Variants in UBTD1 observed in about 807,000 individuals in gnomAD.
UBTD1 encodes the protein ubiquitin domain-containing protein 1.
UBTD1 carries 19 observed loss-of-function variants against 21.7 expected under a neutral mutation model. The ratio of observed to expected loss-of-function variants is 0.87; its 90% CI spans 0.61 to 1.28. The LOEUF (loss-of-function observed/expected upper bound fraction) is 1.28. Among genes scored for constraint, UBTD1 ranks in the 50% most tolerant of loss-of-function variants. The pLI is 0.00. For missense variants in UBTD1, 282 were observed against 315.1 expected, an observed-to-expected ratio of 0.89 and a Z score of 0.80; for synonymous variants, 116 against 135.1, an observed-to-expected ratio of 0.86 and a Z score of 0.98.
At chr10:97,555,158 C>G (rs1329582689) in intron 1 of UBTD1, among the ~76,000 whole-genome samples, 1 of 152,184 alleles carries the variant, frequency 6.6e-6, no homozygotes, top group Admixed American at 6.5e-5. Flanking sequence ...CCAAGGATCC[C>G]TGAGGGAGTC....
intron 1 of UBTD1, among the ~76,000 whole-genome samples, chr10:97,548,845 T>A (rs1486061283): frequency 1.3e-5 from 2 of 152,298 alleles, no homozygotes; most frequent in East Asian, 3.9e-4. Flanking sequence ...GTAATTGATA[T>A]CAGATAGGCC....
rs769678452 is a variant in UBTD1, at chr10:97,513,116, T to C, written c.70+13843T>C. The stretch of plus-strand genomic sequence containing the variant: ...CTGGTTCAGAGGGGTCAAGCCACTG[T>C]CTGTGGTCTGCTCTGCACAGGGGTG... On this transcript the variant is annotated intron_variant, in intron 1 of 2. Transcript: ENST00000370664. 4.4e-4 allele frequency among the ~76,000 whole-genome samples: 67 copies of C among 152,352 alleles called. No homozygotes were observed. The Middle Eastern group carries it at 0.01, about 23-fold the overall frequency.
At chr10:97,529,107 A>G (rs2040511683) in intron 1 of UBTD1, among the ~76,000 whole-genome samples, 1 of 140,232 alleles carries the variant, frequency 7.1e-6, no homozygotes, top group African/African-American at 2.8e-5. Context: ...CGGCCGAGGC[A>G]CTCCTCACAT....
intron 1 of UBTD1, among the ~76,000 whole-genome samples, chr10:97,501,612 GCAA>G (rs896582950): frequency 6.6e-6 from 1 of 151,960 alleles, no homozygotes. Flanking sequence ...CAAAACAACA[GCAA>G]CAACAACAAC....
intron 1 of UBTD1, among the ~76,000 whole-genome samples, chr10:97,538,369 A>G (rs1459045878): frequency 6.6e-6 from 1 of 152,108 alleles, no homozygotes; most frequent in Non-Finnish European, 1.5e-5. Context: ...AAATTTAAAA[A>G]TTTACATATA....
chr10:97,519,793 A>T (rs2135663290), intron 1 of UBTD1, among the ~76,000 whole-genome samples: 1 of 152,180 alleles, frequency 6.6e-6, no homozygotes, highest in East Asian at 1.9e-4. Context: ...CTGTATGTTG[A>T]TTAAAAGGGG....
chr10:97,547,173 G>A (rs577244828), intron 1 of UBTD1, among the ~76,000 whole-genome samples: 3 of 152,294 alleles, frequency 2.0e-5, no homozygotes, highest in Admixed American at 1.3e-4. Context: ...TGTGCCGTTC[G>A]CTTCTAGGCA....
rs778991485 is a variant in UBTD1, at chr10:97,570,151, A to G, written c.312A>G (p.Glu104=). The change falls in exon 3 of 3, where the codon GAA becomes GAG. Residue 104 remains glutamate (E), a synonymous_variant. Transcript: ENST00000370664. This position sits in a 1 kb window ranked among gnomAD's most constrained non-coding sequence, Gnocchi z 6.6. ...SITLPHGTLC[E]CYDELGNRYQ... ...CCTCTCCTACAGGCACCCTCTGTGA[A>G]TGCTACGATGAGCTGGGCAATCGCT... The G allele has an allele frequency of 1.2e-6, 2 of 1,606,652 alleles. No homozygotes were observed. Among genetic ancestry groups the G allele is most frequent in the Non-Finnish European group, 1.7e-6 (2 of 1,174,946 alleles).
chr10:97,515,272 T>C (rs1445253316), intron 1 of UBTD1, among the ~76,000 whole-genome samples: 2 of 152,230 alleles, frequency 1.3e-5, no homozygotes, highest in African/African-American at 2.4e-5. Context: ...GAGCATTTAA[T>C]TTAAGTTGTG....
chr10:97,562,579 G>A (rs948865616), intron 1 of UBTD1, among the ~76,000 whole-genome samples: 1 of 152,154 alleles, frequency 6.6e-6, no homozygotes, highest in Non-Finnish European at 1.5e-5. Flanking sequence ...CTTCTCAAGG[G>A]TGGGGAGGGT....
intron 1 of UBTD1, among the ~76,000 whole-genome samples, chr10:97,520,147 T>C (rs2040460973): frequency 6.6e-6 from 1 of 152,238 alleles, no homozygotes; most frequent in Non-Finnish European, 1.5e-5. Context: ...GTACCTACCC[T>C]ATCATGTAAC....
intron 1 of UBTD1, among the ~76,000 whole-genome samples, chr10:97,562,258 C>T (rs765416060): frequency 1.3e-5 from 2 of 152,136 alleles, no homozygotes; most frequent in Non-Finnish European, 2.9e-5. Flanking sequence ...CAAAAATTAG[C>T]GAGGTGTGGT....
At chr10:97,502,048 TGTA>T (rs779227229) in intron 1 of UBTD1, among the ~76,000 whole-genome samples, 2 of 152,212 alleles carry the variant, frequency 1.3e-5, no homozygotes, top group Non-Finnish European at 2.9e-5. Flanking sequence ...GTCTTATCCT[TGTA>T]GTATATGTCT....
At chr10:97,548,497 A>G (rs2040621287) in intron 1 of UBTD1, among the ~76,000 whole-genome samples, 1 of 152,218 alleles carries the variant, frequency 6.6e-6, no homozygotes, top group South Asian at 2.1e-4. Flanking sequence ...GCATGGCAGG[A>G]TAGAACCCTA....
At chr10:97,532,881 T>A (rs1446266035) in intron 1 of UBTD1, among the ~76,000 whole-genome samples, 1 of 152,200 alleles carries the variant, frequency 6.6e-6, no homozygotes, top group African/African-American at 2.4e-5. Flanking sequence ...TGTTGTGCTC[T>A]TATTTCCGGT....
At chr10:97,521,041 T>G (rs1490419991) in intron 1 of UBTD1, among the ~76,000 whole-genome samples, 2 of 152,172 alleles carry the variant, frequency 1.3e-5, no homozygotes, top group African/African-American at 4.8e-5. Flanking sequence ...GGAGATCTGC[T>G]GGGGAAGCCG....
intron 1 of UBTD1, among the ~76,000 whole-genome samples, chr10:97,566,898 G>A (rs750201788): frequency 6.6e-6 from 1 of 152,174 alleles, no homozygotes. Context: ...AGTCTTGGCT[G>A]TGGTTTGGAG....
chr10:97,541,698 G>A (rs1804866676), intron 1 of UBTD1, among the ~76,000 whole-genome samples: 1 of 151,006 alleles, frequency 6.6e-6, no homozygotes, highest in South Asian at 2.1e-4. Flanking sequence ...TGAGGGGGTG[G>A]AGTTGGGAGT....
chr10:97,542,208 C>A (rs549894345), intron 1 of UBTD1, among the ~76,000 whole-genome samples: 1 of 152,096 alleles, frequency 6.6e-6, no homozygotes, highest in Admixed American at 6.5e-5. Context: ...CTGCATCTGG[C>A]GGTGGGCAGG....
Sources: gnomAD v4.1 joint callset for allele counts (sites outside exome capture counted in the v4.1 genomes callset) on GRCh38, gnomAD v4.1.1 for gene constraint, Gnocchi (gnomAD v3.1) non-coding constraint, MANE v1.5 for transcripts, NCBI Gene and HGNC (gene_info 2026-07-23, HGNC 2026-07-21) for gene names.